Variants in CAPN2 observed in about 807,000 individuals in gnomAD.
CAPN2 encodes calpain 2.
Under a neutral mutation model 102.3 loss-of-function variants are expected in CAPN2, and 92 were observed. The ratio of observed to expected loss-of-function variants is 0.90; its 90% CI spans 0.76 to 1.07. CAPN2 has a LOEUF of 1.07. Ranked by LOEUF, CAPN2 falls within the 50% of genes least tolerant of loss-of-function variation. The pLI is 0.00. For synonymous variants in CAPN2, 340 were observed against 355.4 expected (o/e 0.96, Z 0.49); for missense variants, 800 against 909.4 (o/e 0.88, Z 1.55).
Position 223,768,041 on chromosome 1 carries a change from G to GT in CAPN2, c.1755+1617dup, listed in dbSNP as rs1249833425. Among the ~76,000 whole-genome samples, 3 of 150,878 alleles carry GT rather than the reference G, an allele frequency of 2.0e-5. No homozygotes were observed. The Admixed American group carries it at 2.0e-4, about 10-fold the overall frequency. ...TGCCCACTTTTTGATGGGGTTGTTT[G>GT]TTTTTTTCTTGTAAATTTGTTGGAG... On this transcript the variant is annotated intron_variant, in intron 16 of 20. Transcript: ENST00000295006.
upstream of CAPN2, among the ~76,000 whole-genome samples, chr1:223,711,336 G>T (rs1462418979): frequency 6.6e-6 from 1 of 152,166 alleles, no homozygotes; most frequent in Non-Finnish European, 1.5e-5. Context: ...CCATGTCTCT[G>T]TGTGTGAGAT....
In CAPN2 at chr1:223,772,162, T is replaced by C. The variant is rs753649627; in HGVS notation, c.2021-19T>C. 1.2e-6 allele frequency: 2 copies of C among 1,612,986 alleles called. No individual in the cohort carries two copies. The highest frequency in any genetic ancestry group is 3.3e-5 in the Admixed American group (2 of 60,010). On this transcript the variant is annotated intron_variant, in intron 19 of 20. Coordinates refer to ENST00000295006, the MANE Select transcript of CAPN2 (RefSeq NM_001748.5). ...TTCAGCTCACTCACTTGTGACACCC[T>C]CTTTTTCTCCCTCCACAGAGATATT...
chr1:223,722,885 C>G (rs1326853244), intron 2 of CAPN2, among the ~76,000 whole-genome samples: 3 of 152,310 alleles, frequency 2.0e-5, no homozygotes, highest in South Asian at 4.1e-4. Context: ...ATCCAGGACC[C>G]CACGTTTCAT....
At chr1:223,766,639 C>T (rs553813072) in intron 16 of CAPN2, among the ~76,000 whole-genome samples, 9 of 152,192 alleles carry the variant, frequency 5.9e-5, no homozygotes, top group South Asian at 2.1e-4. Context: ...CTACACCCCC[C>T]CTCCCACCTA....
intron 2 of CAPN2, among the ~76,000 whole-genome samples, chr1:223,720,308 T>C (rs1387296420): frequency 2.7e-5 from 3 of 112,168 alleles, no homozygotes; most frequent in African/African-American, 1.1e-4. Context: ...ATTTTCTCTC[T>C]TTCTCTCTTT....
At chr1:223,771,506 T>TCAAA in intron 18 of CAPN2, 1 of 294,106 alleles carries the variant, frequency 3.4e-6, no homozygotes, top group Non-Finnish European at 6.3e-6. Flanking sequence ...AAACAAAAAA[T>TCAAA]CAAACAGCAG....
At chr1:223,721,132 G>A (rs1300609688) in intron 2 of CAPN2, among the ~76,000 whole-genome samples, 1 of 152,180 alleles carries the variant, frequency 6.6e-6, no homozygotes, top group African/African-American at 2.4e-5. Flanking sequence ...TTTAAACCAT[G>A]TTTACAGAGC....
chr1:223,715,587 G>C (rs1241223951), intron 1 of CAPN2, among the ~76,000 whole-genome samples: 1 of 152,162 alleles, frequency 6.6e-6, no homozygotes, highest in African/African-American at 2.4e-5. Flanking sequence ...TGGCTCCAGT[G>C]CCTGGAGCGG....
intron 1 of CAPN2, among the ~76,000 whole-genome samples, chr1:223,703,625 T>C (rs1659534262): frequency 6.6e-6 from 1 of 152,216 alleles, no homozygotes; most frequent in African/African-American, 2.4e-5. Context: ...CCGCCTTTCC[T>C]TCCCCATCTC....
chr1:223,752,701 G>GCTCT (rs1660933077), intron 8 of CAPN2, 95 bp from the exon 9 acceptor site: 1 of 1,205,366 alleles, frequency 8.3e-7, no homozygotes, highest in Admixed American at 1.9e-5. Context: ...TGCTCTGCCT[G>GCTCT]GCTTTGGGTG....
At chr1:223,702,666 C>T (rs1391231434) in intron 1 of CAPN2, among the ~76,000 whole-genome samples, 1 of 152,154 alleles carries the variant, frequency 6.6e-6, no homozygotes, top group Non-Finnish European at 1.5e-5. Context: ...TAACCCACCT[C>T]CCAGAGAGAG....
rs553335551 is a variant in CAPN2, at chr1:223,734,212, T to C, written c.308-9888T>C. 2.0e-5 allele frequency among the ~76,000 whole-genome samples: 3 copies of C among 152,352 alleles called. No homozygotes were observed. The South Asian group carries it at 6.2e-4, about 32-fold the overall frequency. ...CCTGGGTGGCCACTCTTCTTTGTAG[T>C]GGCCACCCTCGTGTCACCAGCAAAT... On this transcript the variant is annotated intron_variant, in intron 2 of 20. Coordinates refer to ENST00000295006, the MANE Select transcript of CAPN2 (RefSeq NM_001748.5).
chr1:223,707,468 G>C (rs1659636183), intron 1 of CAPN2, among the ~76,000 whole-genome samples: 1 of 152,244 alleles, frequency 6.6e-6, no homozygotes, highest in African/African-American at 2.4e-5. Flanking sequence ...TGTGGTCAGA[G>C]AAAGAGAAGA....
At chr1:223,734,847 A>G (rs1660412129) in intron 2 of CAPN2, among the ~76,000 whole-genome samples, 1 of 152,134 alleles carries the variant, frequency 6.6e-6, no homozygotes, top group Admixed American at 6.5e-5. Flanking sequence ...GAGACAGTCT[A>G]TTATTATTAA....
chr1:223,726,022 G>C lies in CAPN2; in HGVS notation c.307+8191G>C, dbSNP rs1389237572. Among the ~76,000 whole-genome samples, 1 of 152,184 alleles carries C rather than the reference G, an allele frequency of 6.6e-6. No individual in the cohort carries two copies. Among genetic ancestry groups the C allele is most frequent in the Non-Finnish European group, 1.5e-5 (1 of 68,040 alleles). The stretch of plus-strand genomic sequence containing the variant: ...CGTCTCTCGGGAGACCAGGATCCGA[G>C]TGAGAAAGTTTCCCACGTTCATTCT... On this transcript the variant is annotated intron_variant, in intron 2 of 20. Coordinates refer to ENST00000295006, the MANE Select transcript of CAPN2 (RefSeq NM_001748.5). The surrounding 1 kb of genome is among the most constrained non-coding windows in gnomAD (Gnocchi z 4.4).
chr1:223,737,714 T>A lies in CAPN2; in HGVS notation c.308-6386T>A, dbSNP rs1222143. On this transcript the variant is annotated intron_variant, in intron 2 of 20. Transcript: ENST00000295006. Reference sequence around the variant, plus strand: ...TGACCAAAAGAGACGGGGCGGGGGGTGGGGGGGAGAGAATACAATAACACC... The same window carrying A: ...TGACCAAAAGAGACGGGGCGGGGGGAGGGGGGGAGAGAATACAATAACACC... Among the ~76,000 whole-genome samples, 10 of 16,956 alleles carry A rather than the reference T, an allele frequency of 5.9e-4. 2 individuals are homozygous for A. The highest frequency in any genetic ancestry group is 2.8e-3 in the East Asian group (1 of 352). The allele number at this position is 16,956 out of a possible 152,430, so 11.1% of individuals were successfully genotyped here. A position where few individuals can be genotyped will look rare whatever the true frequency, so the allele number is the denominator to read the frequency against.
At chr1:223,768,646 C>A (rs1661396614) in intron 16 of CAPN2, among the ~76,000 whole-genome samples, 2 of 151,370 alleles carry the variant, frequency 1.3e-5, no homozygotes, top group South Asian at 4.2e-4. Flanking sequence ...GTTCTTTTGG[C>A]TCAGGATTGA....
At chr1:223,745,464 C>T (rs1300060830) in intron 4 of CAPN2, 25 bp downstream of exon 4, 2 of 1,613,808 alleles carry the variant, frequency 1.2e-6, no homozygotes, top group Non-Finnish European at 1.7e-6. Context: ...TCCCCTGGCC[C>T]CATGGCCTTC....
chr1:223,768,909 T>C (rs192148399), intron 16 of CAPN2, among the ~76,000 whole-genome samples: 1 of 152,220 alleles, frequency 6.6e-6, no homozygotes, highest in Non-Finnish European at 1.5e-5. Flanking sequence ...TCACATCCCT[T>C]GTAAGTTGGA....
Sources: allele counts gnomAD v4.1 joint callset (sites outside exome capture counted in the v4.1 genomes callset), GRCh38; gene constraint gnomAD v4.1.1; non-coding constraint Gnocchi (gnomAD v3.1); transcripts MANE v1.5; gene names NCBI Gene and HGNC (gene_info 2026-07-23, HGNC 2026-07-21).